LARGE1: variants seen among roughly 807,000 people sequenced by gnomAD.
The protein encoded by LARGE1 is xylosyl- and glucuronyltransferase LARGE1.
Under a neutral mutation model 87.6 loss-of-function variants are expected in LARGE1, and 43 were observed. The ratio of observed to expected loss-of-function variants is 0.49; its 90% CI spans 0.38 to 0.63. The LOEUF (loss-of-function observed/expected upper bound fraction) is 0.63. LARGE1 is among the 30% of genes least tolerant of loss of function. The pLI, the probability that LARGE1 is intolerant of heterozygous loss-of-function variation, is 0.00. For missense variants in LARGE1, 802 were observed against 1,000.2 expected (o/e 0.80, Z 2.67); for synonymous variants, 434 against 394.6 (o/e 1.10, Z -1.18).
intron 2 of LARGE1, among the ~76,000 whole-genome samples, chr22:33,718,231 G>A (rs2082970295): frequency 6.6e-6 from 1 of 152,176 alleles, no homozygotes; most frequent in African/African-American, 2.4e-5. Flanking sequence ...GCTGACCAAA[G>A]AAGAGGCCCA....
At chr22:33,705,938 A>T (rs544276043) in intron 2 of LARGE1, among the ~76,000 whole-genome samples, 1 of 152,208 alleles carries the variant, frequency 6.6e-6, no homozygotes, top group Non-Finnish European at 1.5e-5. Context: ...TAACATGCCC[A>T]GTTTATAGAT....
intron 6 of LARGE1, among the ~76,000 whole-genome samples, chr22:33,442,563 A>C (rs2067518099): frequency 6.6e-6 from 1 of 152,190 alleles, no homozygotes; most frequent in South Asian, 2.1e-4. Flanking sequence ...ACTGCGCAGA[A>C]GACTAGGTTT....
At position 33,877,821 on chromosome 22, in the gene LARGE1, C is replaced by T. The variant is rs150687572; in HGVS notation, c.-83+42174G>A. ...CCTCTAGTCTCAGCTACTCGGGAGG[C>T]TGAGGCACAAGAATCGCTTGAACCT... On this transcript the variant is annotated intron_variant, in intron 1 of 14. Transcript: ENST00000397394. Among the ~76,000 whole-genome samples the T allele has an allele frequency of 1.5e-4, 23 of 151,948 alleles. No individual in the cohort carries two copies. The East Asian group carries it at 3.3e-3, about 22-fold the overall frequency.
chr22:33,437,197 T>C (rs1441958064), intron 6 of LARGE1, among the ~76,000 whole-genome samples: 1 of 151,604 alleles, frequency 6.6e-6, no homozygotes, highest in East Asian at 1.9e-4. Context: ...TAGTCAAGGG[T>C]AAATTTCACC....
At chr22:33,525,495 G>C (rs1399480515) in intron 6 of LARGE1, among the ~76,000 whole-genome samples, 1 of 152,162 alleles carries the variant, frequency 6.6e-6, no homozygotes, top group African/African-American at 2.4e-5. Context: ...TGAGAGTAAA[G>C]AAAAACAAAT....
chr22:33,421,625 C>T (rs2066700480), intron 7 of LARGE1, among the ~76,000 whole-genome samples: 1 of 152,238 alleles, frequency 6.6e-6, no homozygotes, highest in African/African-American at 2.4e-5. Flanking sequence ...TAAACCTTGT[C>T]TCATCACATT....
intron 2 of LARGE1, among the ~76,000 whole-genome samples, chr22:33,742,715 A>G (rs566652619): frequency 3.4e-4 from 52 of 152,378 alleles, no homozygotes; most frequent in Middle Eastern, 3.4e-3. Flanking sequence ...TAATAAAAAC[A>G]AAAGTACAAT....
At chr22:33,107,659 G>A in the LARGE1 span, among the ~76,000 whole-genome samples, 1 of 152,178 alleles carries the variant, frequency 6.6e-6, no homozygotes, top group Non-Finnish European at 1.5e-5. Context: ...GAGGCTGGTA[G>A]TTTGAGACCA....
chr22:33,558,261 T>C (rs903248924), intron 6 of LARGE1, among the ~76,000 whole-genome samples: 10 of 152,150 alleles, frequency 6.6e-5, no homozygotes, highest in Non-Finnish European at 1.0e-4. Context: ...TGAAAGGTCT[T>C]CTTTGATTCC....
chr22:33,384,909 T>G (rs1004969704), intron 7 of LARGE1, among the ~76,000 whole-genome samples: 7 of 148,870 alleles, frequency 4.7e-5, no homozygotes, highest in African/African-American at 1.7e-4. Flanking sequence ...GTGGAATTTG[T>G]ACGATGTATA....
chr22:33,100,076 C>T, the LARGE1 span, among the ~76,000 whole-genome samples: 1 of 152,180 alleles, frequency 6.6e-6, no homozygotes, highest in African/African-American at 2.4e-5. Flanking sequence ...TGGCTTATGC[C>T]TGTAATCCCA....
intron 1 of LARGE1, among the ~76,000 whole-genome samples, chr22:33,764,838 T>C (rs1417036467): frequency 3.3e-5 from 5 of 152,190 alleles, no homozygotes; most frequent in Non-Finnish European, 4.4e-5. Flanking sequence ...AGTTATACCG[T>C]ATTGTTTAGA....
rs575370428 is a variant in LARGE1, at chr22:33,272,560, A to G, written c.*1867T>C. On this transcript the variant is annotated 3_prime_UTR_variant, in exon 15 of 15. Transcript: ENST00000397394. Reference sequence around the variant, plus strand: ...CATATATGTCACTTTTTATTTATAAATGCTTTGTATATAGGCTATATACTT... The same window carrying G: ...CATATATGTCACTTTTTATTTATAAGTGCTTTGTATATAGGCTATATACTT... Among the ~76,000 whole-genome samples, 2 of 152,328 alleles carry G rather than the reference A, an allele frequency of 1.3e-5. No individual in the cohort carries two copies. The highest frequency in any genetic ancestry group is 2.1e-4 in the South Asian group (1 of 4,826).
chr22:33,873,589 T>C (rs1056093442), intron 1 of LARGE1, among the ~76,000 whole-genome samples: 2 of 152,144 alleles, frequency 1.3e-5, no homozygotes, highest in African/African-American at 2.4e-5. Context: ...GAAGATAGCA[T>C]GTCACAACCA....
At chr22:33,826,998 C>T (rs1227905375) in intron 1 of LARGE1, among the ~76,000 whole-genome samples, 4 of 152,112 alleles carry the variant, frequency 2.6e-5, no homozygotes, top group South Asian at 4.1e-4. Flanking sequence ...CAATTCACCC[C>T]GGATTACCCA....
At chr22:33,778,647 G>A (rs1374059518) in intron 1 of LARGE1, among the ~76,000 whole-genome samples, 1 of 152,006 alleles carries the variant, frequency 6.6e-6, no homozygotes, top group Non-Finnish European at 1.5e-5. Flanking sequence ...GCACATGTCA[G>A]CGCAGTATCC....
chr22:33,215,000 C>T (rs1925138582), intron 11 of LARGE1, among the ~76,000 whole-genome samples: 1 of 152,158 alleles, frequency 6.6e-6, no homozygotes. Context: ...GCCCCCAAGG[C>T]CCTACTCTGG....
At chr22:33,903,476 T>TAA (rs146077702) in intron 1 of LARGE1, among the ~76,000 whole-genome samples, 3 of 147,156 alleles carry the variant, frequency 2.0e-5, no homozygotes, top group East Asian at 2.0e-4. Context: ...ACATAACAGT[T>TAA]AAAAAAAAAA....
At chr22:33,341,158 C>T (rs931884801) in intron 9 of LARGE1, among the ~76,000 whole-genome samples, 3 of 151,988 alleles carry the variant, frequency 2.0e-5, no homozygotes, top group Admixed American at 6.6e-5. Flanking sequence ...GAAGAACCCT[C>T]GTGAGTGGAT....
Sources: gnomAD v4.1 joint callset for allele counts (sites outside exome capture counted in the v4.1 genomes callset) on GRCh38, gnomAD v4.1.1 for gene constraint, MANE v1.5 for transcripts, NCBI Gene and HGNC (gene_info 2026-07-23, HGNC 2026-07-21) for gene names.